Variants in LIFR observed in about 807,000 individuals in gnomAD.
The protein encoded by LIFR is LIF receptor subunit alpha.
A neutral mutation model predicts 122.2 loss-of-function variants in LIFR; 84 were observed. That is an observed-to-expected ratio of 0.69 (90% CI 0.58 to 0.82). The LOEUF (loss-of-function observed/expected upper bound fraction) is 0.82. LIFR is among the 40% of genes least tolerant of loss of function. The pLI, the probability that LIFR is intolerant of heterozygous loss-of-function variation, is 0.00. For synonymous variants in LIFR, 422 were observed against 434.7 expected, an observed-to-expected ratio of 0.97 and a Z score of 0.36; for missense variants, 1,294 against 1,311.6, an observed-to-expected ratio of 0.99 and a Z score of 0.21.
At chr5:38,516,973 C>CGGCTATTTACCG (rs1001376147) in intron 5 of LIFR, among the ~76,000 whole-genome samples, 6 of 151,944 alleles carry the variant, frequency 3.9e-5, no homozygotes, top group African/African-American at 1.5e-4. Context: ...AACCAAACAC[C>CGGCTATTTACCG]GCATGTTCTC....
In LIFR at chr5:38,523,548, C is replaced by T; in HGVS notation, c.432G>A (p.Leu144=). Residue 144 remains leucine, a synonymous_variant, in exon 5 of 20, where the codon TTG becomes TTA. Coordinates refer to ENST00000453190, the MANE Select transcript of LIFR (RefSeq NM_001127671.2). ...ATGTAGAGGTTGAGAAATCAGCAGA[C>T]AAATTCAAGATCTCTGGAGTATCTG... The part of the protein sequence containing the change: ...LIPDTPEILN[L]SADFSTSTLY... 6.2e-7 allele frequency: 1 copy of T among 1,613,382 alleles called. No homozygotes were observed. Among genetic ancestry groups the T allele is most frequent in the Non-Finnish European group, 8.5e-7 (1 of 1,179,486 alleles).
upstream of LIFR, among the ~76,000 whole-genome samples, chr5:38,600,160 C>T (rs1039848211): frequency 6.6e-6 from 1 of 152,190 alleles, no homozygotes; most frequent in African/African-American, 2.4e-5. Context: ...TACCTATGAC[C>T]TGGAAACCCC....
intron 15 of LIFR, 131 bp downstream of exon 15, chr5:38,490,059 T>G (rs1744498040): frequency 4.3e-6 from 2 of 464,154 alleles, no homozygotes; most frequent in Non-Finnish European, 7.8e-6. Flanking sequence ...AAATACTTTT[T>G]AATTTATCAA....
At chr5:38,509,733 C>T (rs1054475111) in intron 7 of LIFR, among the ~76,000 whole-genome samples, 4 of 152,024 alleles carry the variant, frequency 2.6e-5, no homozygotes, top group African/African-American at 9.7e-5. Flanking sequence ...TCAGTGACAC[C>T]AAAACATTAC....
chr5:38,543,400 C>A (rs1354701378), intron 1 of LIFR, among the ~76,000 whole-genome samples: 1 of 152,170 alleles, frequency 6.6e-6, no homozygotes, highest in Admixed American at 6.5e-5. Context: ...GAATTTGAAC[C>A]TAGACTTGCA....
At chr5:38,579,167 G>A (rs926173483) in intron 1 of LIFR, 1 of 152,194 alleles carries the variant, frequency 6.6e-6, no homozygotes, top group African/African-American at 2.4e-5. Context: ...ACTCTAAGAT[G>A]TCAGAACAAA....
chr5:38,549,320 A>G (rs1366500121), intron 1 of LIFR, among the ~76,000 whole-genome samples: 1 of 150,578 alleles, frequency 6.6e-6, no homozygotes, highest in African/African-American at 2.5e-5. Flanking sequence ...CAACGTACCC[A>G]TATGTTTTAC....
chr5:38,607,871 T>G (rs1412967650), intron 1 of LIFR: 1 of 152,168 alleles, frequency 6.6e-6, no homozygotes, highest in Non-Finnish European at 1.5e-5. Flanking sequence ...GTCAGAAACT[T>G]GGATTTAATT....
At chr5:38,491,514 G>C (rs1324539520) in intron 14 of LIFR, among the ~76,000 whole-genome samples, 1 of 152,176 alleles carries the variant, frequency 6.6e-6, no homozygotes, top group Admixed American at 6.5e-5. Flanking sequence ...TGGTGGTCGA[G>C]AAAGAAGATA....
rs901505287 is a variant in LIFR at position 38,479,932 on chromosome 5, G to T, written c.*1663C>A. On this transcript the variant is annotated 3_prime_UTR_variant, in exon 20 of 20. Transcript: ENST00000453190. The stretch of plus-strand genomic sequence containing the variant: ...AAATTTCCACAGATCATAAAGCTCA[G>T]AAATTTAGCTGAATCCTAGCAGTTA... 1.3e-5 allele frequency: 3 copies of T among 225,168 alleles called. No homozygotes were observed. The highest frequency in any genetic ancestry group is 6.7e-5 in the African/African-American group (3 of 44,902). 13.9% of individuals were successfully genotyped at this position (225,168 alleles called of 1,614,324 possible). A position where few individuals can be genotyped will look rare whatever the true frequency, so the allele number is the denominator to read the frequency against.
At chr5:38,507,032 G>T (rs1232391633) in intron 7 of LIFR, among the ~76,000 whole-genome samples, 1 of 152,046 alleles carries the variant, frequency 6.6e-6, no homozygotes, top group Non-Finnish European at 1.5e-5. Flanking sequence ...GATTCGAAAA[G>T]AAATACCAAA....
intron 1 of LIFR, among the ~76,000 whole-genome samples, chr5:38,533,053 C>A (rs539782540): frequency 2.2e-3 from 340 of 152,316 alleles, no homozygotes; most frequent in African/African-American, 7.7e-3. Flanking sequence ...GTGGCAGCCA[C>A]CAGCCTCATT....
chr5:38,523,052 C>A (rs1746488381), intron 5 of LIFR, among the ~76,000 whole-genome samples: 1 of 152,144 alleles, frequency 6.6e-6, no homozygotes, highest in East Asian at 1.9e-4. Context: ...TCTGGCTAAA[C>A]ATGCTTCAAA....
intron 1 of LIFR, among the ~76,000 whole-genome samples, chr5:38,532,127 T>C (rs547747695): frequency 1.3e-5 from 2 of 152,266 alleles, no homozygotes; most frequent in East Asian, 3.9e-4. Context: ...ATAAACCATA[T>C]TCACTGACTG....
chr5:38,533,396 C>A (rs1747122516), intron 1 of LIFR, among the ~76,000 whole-genome samples: 1 of 152,182 alleles, frequency 6.6e-6, no homozygotes, highest in Admixed American at 6.5e-5. Context: ...TCATAAAGCA[C>A]AGGCAGAACT....
chr5:38,495,378 G>A (rs1004825673), intron 13 of LIFR, among the ~76,000 whole-genome samples: 3 of 151,968 alleles, frequency 2.0e-5, no homozygotes, highest in African/African-American at 7.3e-5. Flanking sequence ...TTTTTGCCAG[G>A]CCAAAATGAA....
upstream of LIFR, chr5:38,556,650 G>A (rs1748575527): frequency 6.8e-6 from 1 of 147,054 alleles, no homozygotes; most frequent in Non-Finnish European, 1.5e-5. Context: ...CGGGACTGCG[G>A]CGCGCGGGGG....
chr5:38,604,120 C>T (rs897755090), intron 2 of LIFR, among the ~76,000 whole-genome samples: 1 of 152,134 alleles, frequency 6.6e-6, no homozygotes, highest in African/African-American at 2.4e-5. Flanking sequence ...GGCAGAGATG[C>T]AAATGTGGTG....
intron 2 of LIFR, among the ~76,000 whole-genome samples, chr5:38,605,805 C>G (rs1272328715): frequency 6.6e-6 from 1 of 152,182 alleles, no homozygotes; most frequent in Non-Finnish European, 1.5e-5. Context: ...CCATTTGTCT[C>G]TTACCAACCC....
Sources: gnomAD v4.1 joint callset for allele counts (sites outside exome capture counted in the v4.1 genomes callset) on GRCh38, gnomAD v4.1.1 for gene constraint, MANE v1.5 for transcripts, NCBI Gene and HGNC (gene_info 2026-07-23, HGNC 2026-07-21) for gene names.